The following EPB41L2 variants were observed in gnomAD, a reference collection of about 807,000 sequenced individuals.
EPB41L2 encodes the protein erythrocyte membrane protein band 4.1 like 2.
A neutral mutation model predicts 113.0 loss-of-function variants in EPB41L2; 43 were observed. That is an observed-to-expected ratio of 0.38 (90% CI 0.30 to 0.49). EPB41L2 has a LOEUF of 0.49. Among genes scored for constraint, EPB41L2 ranks in the 20% least tolerant of loss-of-function variants. The pLI is 0.95. For missense variants in EPB41L2, 1,147 were observed against 1,223.4 expected (o/e 0.94, Z 0.93); for synonymous variants, 442 against 436.7 (o/e 1.01, Z -0.15).
chr6:131,054,997 G>A (rs1273684437), intron 1 of EPB41L2, among the ~76,000 whole-genome samples: 1 of 152,204 alleles, frequency 6.6e-6, no homozygotes, highest in Non-Finnish European at 1.5e-5. Context: ...GGTGGCATAC[G>A]CAGTCTGTCA....
chr6:131,054,090 A>G (rs1375161131), intron 1 of EPB41L2, among the ~76,000 whole-genome samples: 1 of 152,168 alleles, frequency 6.6e-6, no homozygotes, highest in Non-Finnish European at 1.5e-5. Context: ...CCATCTTCGC[A>G]TTCAGATTCA....
intron 3 of EPB41L2, among the ~76,000 whole-genome samples, chr6:130,934,260 G>C (rs1671279882): frequency 6.6e-6 from 1 of 151,978 alleles, no homozygotes. Flanking sequence ...AAGAAACCCT[G>C]GTCAATTTTG....
At chr6:130,984,943 C>A (rs1280144318) in intron 1 of EPB41L2, among the ~76,000 whole-genome samples, 2 of 152,136 alleles carry the variant, frequency 1.3e-5, no homozygotes, top group Non-Finnish European at 2.9e-5. Context: ...CAAGAACCTT[C>A]AAGAGAGATG....
chr6:131,050,278 G>T (rs1796262526), intron 1 of EPB41L2, among the ~76,000 whole-genome samples: 1 of 152,184 alleles, frequency 6.6e-6, no homozygotes, highest in African/African-American at 2.4e-5. Context: ...GGCAGAGGTT[G>T]CAGTGAGCCA....
At chr6:131,040,072 G>A (rs1794137498) in intron 1 of EPB41L2, among the ~76,000 whole-genome samples, 1 of 152,162 alleles carries the variant, frequency 6.6e-6, no homozygotes, top group South Asian at 2.1e-4. Flanking sequence ...TGTTAACGTT[G>A]CAAGAGTTCT....
intron 4 of EPB41L2, among the ~76,000 whole-genome samples, chr6:130,921,435 G>C (rs896213137): frequency 1.3e-5 from 2 of 151,998 alleles, no homozygotes; most frequent in East Asian, 1.9e-4. Context: ...GAGAAAACAC[G>C]AGTCCCTACC....
chr6:130,998,812 A>T (rs1783715985), intron 1 of EPB41L2, among the ~76,000 whole-genome samples: 1 of 152,096 alleles, frequency 6.6e-6, no homozygotes. Context: ...CTGCTACCCA[A>T]CTAATCTTCC....
chr6:130,865,463 G>A (rs181338711), intron 17 of EPB41L2, 73 bp downstream of exon 17: 66 of 1,443,818 alleles, frequency 4.6e-5, no homozygotes, highest in Non-Finnish European at 2.6e-5. Context: ...TGTACAGGAA[G>A]AGAGAAACAA....
chr6:131,013,659 C>T (rs947809066), intron 1 of EPB41L2: 2 of 152,176 alleles, frequency 1.3e-5, no homozygotes, highest in African/African-American at 4.8e-5. Flanking sequence ...TTGGCAGCAA[C>T]ACAGGAAACT....
At chr6:130,865,018 C>T (rs1423366066) in intron 17 of EPB41L2, among the ~76,000 whole-genome samples, 4 of 152,140 alleles carry the variant, frequency 2.6e-5, no homozygotes, top group East Asian at 1.9e-4. Flanking sequence ...AACAATGCCC[C>T]GGGTGAAGCT....
At chr6:130,994,814 C>T in intron 1 of EPB41L2, among the ~76,000 whole-genome samples, 1 of 152,122 alleles carries the variant, frequency 6.6e-6, no homozygotes, top group South Asian at 2.1e-4. Context: ...TTTTTAAAGT[C>T]ACGCCTCTGC....
At chr6:131,055,306 A>C (rs1438314380) in intron 1 of EPB41L2, among the ~76,000 whole-genome samples, 1 of 152,194 alleles carries the variant, frequency 6.6e-6, no homozygotes, top group Non-Finnish European at 1.5e-5. Flanking sequence ...AGGTCGGGGG[A>C]GAGCCACATT....
At chr6:130,881,388 G>A (rs1331295794) in intron 12 of EPB41L2, 1 of 152,122 alleles carries the variant, frequency 6.6e-6, no homozygotes, top group Non-Finnish European at 1.5e-5. Flanking sequence ...TCAATAATCT[G>A]TTAAGAAACA....
At position 130,913,127 on chromosome 6, in the gene EPB41L2, C is replaced by T. The variant is rs531729359; in HGVS notation, c.811-4264G>A. Among the ~76,000 whole-genome samples, 9 of 152,288 alleles carry T rather than the reference C, an allele frequency of 5.9e-5. No individual in the cohort carries two copies. The East Asian group carries it at 1.2e-3, about 20-fold the overall frequency. ...ACCTTCTATTCTCACCTAAAGCACC[C>T]GGCCCTTGTACAAATTACCTAACAG... is the stretch of plus-strand genomic sequence containing the variant. On this transcript the variant is annotated intron_variant, in intron 4 of 19. Transcript: ENST00000337057.
intron 1 of EPB41L2, among the ~76,000 whole-genome samples, chr6:131,044,142 C>T (rs918578758): frequency 4.6e-5 from 7 of 151,096 alleles, no homozygotes; most frequent in African/African-American, 1.5e-4. Context: ...CCACCTTAGC[C>T]TCCCAAGTAG....
intron 1 of EPB41L2, among the ~76,000 whole-genome samples, chr6:130,979,277 G>T (rs1383625978): frequency 6.6e-6 from 1 of 152,002 alleles, no homozygotes; most frequent in African/African-American, 2.4e-5. Context: ...CTTGAGGTCG[G>T]AAGTTTGAGA....
At chr6:130,849,060 C>T (rs933229940) in intron 19 of EPB41L2, among the ~76,000 whole-genome samples, 4 of 152,096 alleles carry the variant, frequency 2.6e-5, no homozygotes, top group Admixed American at 1.3e-4. Flanking sequence ...CGGTCAGAGG[C>T]CAGATGGGTA....
At chr6:130,854,272 A>C (rs1314411594) in intron 19 of EPB41L2, among the ~76,000 whole-genome samples, 6 of 147,114 alleles carry the variant, frequency 4.1e-5, no homozygotes, top group Admixed American at 4.1e-4. Context: ...TGCTTTGTCT[A>C]TCACGGAATC....
chr6:130,998,285 T>G (rs986421632), intron 1 of EPB41L2, among the ~76,000 whole-genome samples: 1 of 152,224 alleles, frequency 6.6e-6, no homozygotes, highest in African/African-American at 2.4e-5. Flanking sequence ...AATTTTCACA[T>G]GGATTAAGGA....
Sources: allele counts gnomAD v4.1 joint callset (sites outside exome capture counted in the v4.1 genomes callset), GRCh38; gene constraint gnomAD v4.1.1; transcripts MANE v1.5; gene names NCBI Gene and HGNC (gene_info 2026-07-23, HGNC 2026-07-21).